UCHL3: variants seen among roughly 807,000 people sequenced by gnomAD.
UCHL3 encodes ubiquitin carboxyl-terminal hydrolase isozyme L3.
In UCHL3, 22 loss-of-function variants were observed where a neutral mutation model predicts 35.8. The ratio of observed to expected loss-of-function variants is 0.61; its 90% CI spans 0.44 to 0.88. The LOEUF (loss-of-function observed/expected upper bound fraction) is 0.88, where lower values mean the gene tolerates loss of function less well. UCHL3 is among the 40% of genes least tolerant of loss of function. The probability of loss-of-function intolerance (pLI) is 0.00; values close to 1 mark genes in which losing one functional copy is unlikely to be tolerated. For missense variants in UCHL3, 229 were observed against 276.9 expected, an observed-to-expected ratio of 0.83 and a Z score of 1.23; for synonymous variants, 90 against 92.8, an observed-to-expected ratio of 0.97 and a Z score of 0.17.
chr13:75,592,959 C>T (rs2032552426), intron 6 of UCHL3, among the ~76,000 whole-genome samples: 6 of 152,020 alleles, frequency 3.9e-5, no homozygotes, highest in Admixed American at 3.3e-4. Context: ...GGATAAGAAA[C>T]CCAAGGCTTA....
chr13:75,592,417 T>TATATATATATGTATATACATATATAC (rs1566227774), intron 6 of UCHL3, among the ~76,000 whole-genome samples: 6 of 33,988 alleles, frequency 1.8e-4, no homozygotes, highest in African/African-American at 1.1e-3. Flanking sequence ...TTTTCCTTCA[T>TATATATATATGTATATACATATATAC]ATATATATAT....
At chr13:75,593,628 C>T (rs1021982425) in intron 6 of UCHL3, among the ~76,000 whole-genome samples, 1 of 152,166 alleles carries the variant, frequency 6.6e-6, no homozygotes, top group Admixed American at 6.5e-5. Flanking sequence ...ACTCTGATTG[C>T]TAACACCTGT....
At chr13:75,578,385 A>G (rs187670008) in intron 6 of UCHL3, among the ~76,000 whole-genome samples, 34 of 152,242 alleles carry the variant, frequency 2.2e-4, no homozygotes, top group Admixed American at 9.8e-4. Flanking sequence ...ATTCAAAGGG[A>G]TAAATATTTT....
At chr13:75,586,335 G>A (rs994448744) in intron 6 of UCHL3, among the ~76,000 whole-genome samples, 2 of 151,996 alleles carry the variant, frequency 1.3e-5, no homozygotes, top group Non-Finnish European at 2.9e-5. Context: ...GTAACAGAAA[G>A]TATGTGTATG....
intron 6 of UCHL3, among the ~76,000 whole-genome samples, chr13:75,591,670 C>A (rs1388616807): frequency 1.3e-5 from 2 of 152,126 alleles, no homozygotes; most frequent in Non-Finnish European, 2.9e-5. Flanking sequence ...TAGAAGCACA[C>A]TGCTCGGGTT....
intron 6 of UCHL3, among the ~76,000 whole-genome samples, chr13:75,579,283 T>G (rs2032112552): frequency 6.6e-6 from 1 of 152,124 alleles, no homozygotes; most frequent in African/African-American, 2.4e-5. Context: ...ATCATGCGGT[T>G]CAAGATGTAG....
At chr13:75,563,351 A>G (rs2031579363) in intron 3 of UCHL3, among the ~76,000 whole-genome samples, 1 of 151,846 alleles carries the variant, frequency 6.6e-6, no homozygotes, top group East Asian at 1.9e-4. Context: ...AATTTTTTGT[A>G]TTTTTAGTAG....
chr13:75,603,987 A>T (rs1208824248), intron 7 of UCHL3, among the ~76,000 whole-genome samples: 1 of 152,108 alleles, frequency 6.6e-6, no homozygotes, highest in Non-Finnish European at 1.5e-5. Context: ...GTTGATTTTC[A>T]TTCATTTTTT....
chr13:75,555,018 G>C (rs1480382435), intron 2 of UCHL3, among the ~76,000 whole-genome samples: 1 of 152,164 alleles, frequency 6.6e-6, no homozygotes. Flanking sequence ...TCTTGCATTA[G>C]TTTGCTAAGG....
intron 2 of UCHL3, among the ~76,000 whole-genome samples, chr13:75,557,803 C>CT (rs751039964): frequency 1.3e-5 from 2 of 152,074 alleles, no homozygotes; most frequent in Non-Finnish European, 2.9e-5. Context: ...AAAACTAATG[C>CT]TTTTATAAAA....
intron 3 of UCHL3, among the ~76,000 whole-genome samples, chr13:75,562,156 T>C (rs958656807): frequency 2.0e-5 from 3 of 152,158 alleles, no homozygotes; most frequent in African/African-American, 7.2e-5. Flanking sequence ...TGCTTAGTCC[T>C]GGAAATTCCT....
At chr13:75,559,420 G>C (rs1400082289) in intron 2 of UCHL3, among the ~76,000 whole-genome samples, 5 of 152,102 alleles carry the variant, frequency 3.3e-5, no homozygotes, top group African/African-American at 7.2e-5. Context: ...TTCTAAGAAA[G>C]TTTTTATAAA....
At chr13:75,574,527 C>T (rs2031963462) in intron 6 of UCHL3, among the ~76,000 whole-genome samples, 1 of 152,090 alleles carries the variant, frequency 6.6e-6, no homozygotes, top group Non-Finnish European at 1.5e-5. Context: ...ATACTGACTC[C>T]ACTGCTTATT....
Position 75,569,517 on chromosome 13 carries a change from AT to A in UCHL3, c.474+16del. On this transcript the variant is annotated intron_variant, in intron 6 of 8. Coordinates refer to ENST00000377595, the MANE Select transcript of UCHL3 (RefSeq NM_006002.5). ...TGAAGGTCAGACTGAGGTATTTCACATTTTTTCTAAATTTTTCTTGCTATAA... is the reference window on the plus strand; with the variant it reads ...TGAAGGTCAGACTGAGGTATTTCACATTTTTCTAAATTTTTCTTGCTATAA... 6.2e-7 allele frequency: 1 copy of A among 1,604,480 alleles called. No individual in the cohort carries two copies.
intron 7 of UCHL3, among the ~76,000 whole-genome samples, chr13:75,599,246 C>T (rs944099644): frequency 1.3e-5 from 2 of 151,178 alleles, no homozygotes; most frequent in African/African-American, 4.9e-5. Context: ...GCTGGGATTA[C>T]AGGCATGAGG....
Position 75,565,928 on chromosome 13 carries a change from G to C in UCHL3, c.184-767G>C, listed in dbSNP as rs545247361. The stretch of plus-strand genomic sequence containing the variant: ...ACGTGGGCCCAGGCAGTCAGCTATA[G>C]AGCCCACATTTTTGATGCTTATTAT... On this transcript the variant is annotated intron_variant, in intron 3 of 8. Coordinates refer to ENST00000377595, the MANE Select transcript of UCHL3 (RefSeq NM_006002.5). Among the ~76,000 whole-genome samples, 4 of 152,274 alleles carry C rather than the reference G, an allele frequency of 2.6e-5. No homozygotes were observed. In the East Asian group the frequency reaches 7.7e-4, roughly 29 times the overall value.
At position 75,595,127 on chromosome 13, in the gene UCHL3, A is replaced by T. The variant is rs997417071; in HGVS notation, c.550+137A>T. On this transcript the variant is annotated intron_variant, in intron 7 of 8. Transcript: ENST00000377595. Reference sequence around the variant, plus strand: ...CCTATAAAATTGATTTGACATAGCGACAGTTTTCCTTTTAAGACAGTTTAC... The same window carrying T: ...CCTATAAAATTGATTTGACATAGCGTCAGTTTTCCTTTTAAGACAGTTTAC... The T allele has an allele frequency of 8.1e-5, 54 of 666,770 alleles. No homozygotes were observed. In the Admixed American group the frequency reaches 1.6e-3, roughly 19 times the overall value. The allele number at this position is 666,770 out of a possible 1,614,324, so 41.3% of individuals were successfully genotyped here. A position where few individuals can be genotyped will look rare whatever the true frequency, so the allele number is the denominator to read the frequency against.
At chr13:75,571,680 T>C (rs905908799) in intron 6 of UCHL3, among the ~76,000 whole-genome samples, 2 of 152,176 alleles carry the variant, frequency 1.3e-5, no homozygotes, top group African/African-American at 2.4e-5. Flanking sequence ...CTAAAATTTT[T>C]CTAGGGGTTT....
intron 6 of UCHL3, among the ~76,000 whole-genome samples, chr13:75,590,601 A>C (rs1395798198): frequency 6.6e-6 from 1 of 152,012 alleles, no homozygotes; most frequent in East Asian, 1.9e-4. Context: ...TACTTACTCT[A>C]TTCTCAATCT....
Sources: gnomAD v4.1 joint callset for allele counts (sites outside exome capture counted in the v4.1 genomes callset) on GRCh38, gnomAD v4.1.1 for gene constraint, MANE v1.5 for transcripts, NCBI Gene and HGNC (gene_info 2026-07-23, HGNC 2026-07-21) for gene names.